PDE3A: variants seen among roughly 807,000 people sequenced by gnomAD.
The protein encoded by PDE3A is cGMP-inhibited 3',5'-cyclic phosphodiesterase 3A.
A neutral mutation model predicts 98.3 loss-of-function variants in PDE3A; 43 were observed. That is an observed-to-expected ratio of 0.44 (90% confidence interval 0.34 to 0.56). PDE3A has a LOEUF of 0.56. Ranked by LOEUF, PDE3A falls within the 20% of genes least tolerant of loss-of-function variation. The probability of loss-of-function intolerance (pLI) is 0.01; values close to 1 mark genes in which losing one functional copy is unlikely to be tolerated. For synonymous variants in PDE3A, 663 were observed against 567.9 expected, an observed-to-expected ratio of 1.17 and a Z score of -2.38; for missense variants, 1,427 against 1,440.7, an observed-to-expected ratio of 0.99 and a Z score of 0.15.
At chr12:20,482,964 AG>A (rs1488398730) in intron 1 of PDE3A, among the ~76,000 whole-genome samples, 5 of 152,178 alleles carry the variant, frequency 3.3e-5, no homozygotes, top group Non-Finnish European at 7.3e-5. Flanking sequence ...GGCAAATAAA[AG>A]TTTCTGCTTG....
intron 10 of PDE3A, among the ~76,000 whole-genome samples, chr12:20,645,356 G>C (rs1477876106): frequency 1.3e-5 from 2 of 152,078 alleles, no homozygotes; most frequent in Non-Finnish European, 2.9e-5. Context: ...TGCTACAATT[G>C]CCACATTGAC....
chr12:20,459,069 A>T (rs975093710), intron 1 of PDE3A, among the ~76,000 whole-genome samples: 5 of 152,182 alleles, frequency 3.3e-5, no homozygotes, highest in Admixed American at 1.3e-4. Flanking sequence ...TGGAGAAATT[A>T]TGGATGACTT....
At chr12:20,543,491 C>T (rs1941975790) in intron 1 of PDE3A, among the ~76,000 whole-genome samples, 1 of 151,928 alleles carries the variant, frequency 6.6e-6, no homozygotes, top group Non-Finnish European at 1.5e-5. Flanking sequence ...TCCCAGGCCT[C>T]TCATAACCAA....
intron 3 of PDE3A, among the ~76,000 whole-genome samples, chr12:20,614,096 G>T (rs944415096): frequency 1.3e-5 from 2 of 151,990 alleles, no homozygotes; most frequent in Admixed American, 6.6e-5. Context: ...AAAGCTAAAG[G>T]TTCTTTACTC....
chr12:20,432,709 T>G (rs886154033), intron 1 of PDE3A, among the ~76,000 whole-genome samples: 1 of 152,194 alleles, frequency 6.6e-6, no homozygotes, highest in Non-Finnish European at 1.5e-5. Context: ...GCAAATTTCT[T>G]AGTTTATTTC....
At chr12:20,395,158 C>T (rs1198402891) in intron 1 of PDE3A, among the ~76,000 whole-genome samples, 1 of 151,836 alleles carries the variant, frequency 6.6e-6, no homozygotes, top group East Asian at 1.9e-4. Context: ...CACTTGTTAG[C>T]CATGTGGTCT....
chr12:20,370,130 T>C lies in PDE3A; in HGVS notation c.846T>C (p.Asp282=). Residue 282 remains aspartate, a synonymous_variant, in exon 1 of 16, where the codon GAT becomes GAC. Transcript: ENST00000359062. The part of the protein sequence containing the change: ...GSQLIAGTKE[D]IPVFKRRRRS... ...AGCTGATTGCTGGGACCAAGGAAGA[T>C]ATCCCGGTGTTTAAGAGGAGGAGGC... is the stretch of plus-strand genomic sequence containing the variant. The C allele has an allele frequency of 6.2e-7, 1 of 1,613,428 alleles. No individual in the cohort carries two copies. Among genetic ancestry groups the C allele is most frequent in the African/African-American group, 1.3e-5 (1 of 75,038 alleles).
At chr12:20,437,438 G>A (rs1944795789) in intron 1 of PDE3A, among the ~76,000 whole-genome samples, 2 of 152,228 alleles carry the variant, frequency 1.3e-5, no homozygotes, top group African/African-American at 4.8e-5. Context: ...CTGAGGCTGG[G>A]TAAATTATAA....
chr12:20,462,948 T>A (rs868690288), intron 1 of PDE3A, among the ~76,000 whole-genome samples: 8 of 152,010 alleles, frequency 5.3e-5, no homozygotes, highest in African/African-American at 1.9e-4. Flanking sequence ...ATTTTTAATT[T>A]TTTTGTAGAG....
At chr12:20,662,217 A>G (rs1945188920) in intron 15 of PDE3A, among the ~76,000 whole-genome samples, 1 of 152,218 alleles carries the variant, frequency 6.6e-6, no homozygotes, top group Admixed American at 6.5e-5. Context: ...CTCAGAAGAC[A>G]GGAAAATATA....
At chr12:20,449,078 T>TA (rs951391317) in intron 1 of PDE3A, among the ~76,000 whole-genome samples, 3 of 152,172 alleles carry the variant, frequency 2.0e-5, no homozygotes, top group Non-Finnish European at 2.9e-5. Flanking sequence ...ATGCCGTAGC[T>TA]AAAAAAATGT....
Position 20,590,065 on chromosome 12 carries a change from G to T in PDE3A, c.1012-23378G>T, listed in dbSNP as rs117210592. On this transcript the variant is annotated intron_variant, in intron 2 of 15. Transcript: ENST00000359062. ...TGTGAAGGCCACTGGCTTGAGTGAT[G>T]GACAAACCTAGAATAGTTTTCCAAG... Among the ~76,000 whole-genome samples, 40 of 151,922 alleles carry T rather than the reference G, an allele frequency of 2.6e-4. No homozygotes were observed. In the East Asian group the frequency reaches 7.8e-3, roughly 30 times the overall value.
intron 1 of PDE3A, among the ~76,000 whole-genome samples, chr12:20,401,632 C>G (rs1453789253): frequency 6.6e-6 from 1 of 152,128 alleles, no homozygotes; most frequent in Non-Finnish European, 1.5e-5. Context: ...AAATTTTACC[C>G]ATCTTCTACC....
chr12:20,516,223 G>A (rs1259474570), intron 1 of PDE3A, among the ~76,000 whole-genome samples: 1 of 152,080 alleles, frequency 6.6e-6, no homozygotes, highest in Non-Finnish European at 1.5e-5. Context: ...GATGGATTTT[G>A]AGTATTCATT....
chr12:20,386,016 AAAATATATATAT>A (rs1173748384), intron 1 of PDE3A, among the ~76,000 whole-genome samples: 115 of 86,118 alleles, frequency 1.3e-3, no homozygotes, highest in Middle Eastern at 4.3e-3. Context: ...AAATATATAT[AAAATATATATAT>A]AAATATATAT....
chr12:20,535,554 A>G (rs2121201831), intron 1 of PDE3A, among the ~76,000 whole-genome samples: 1 of 152,286 alleles, frequency 6.6e-6, no homozygotes, highest in East Asian at 1.9e-4. Context: ...GGTTATTTTG[A>G]GGATTTTTAA....
chr12:20,651,281 C>T (rs1944909549), intron 14 of PDE3A, among the ~76,000 whole-genome samples: 1 of 152,100 alleles, frequency 6.6e-6, no homozygotes, highest in Non-Finnish European at 1.5e-5. Flanking sequence ...TTGAACCTTC[C>T]TGTTTGGCAC....
chr12:20,475,545 G>A (rs146493388), intron 1 of PDE3A, among the ~76,000 whole-genome samples: 121 of 152,020 alleles, frequency 8.0e-4, no homozygotes, highest in Non-Finnish European at 7.7e-4. Context: ...CCTGGCCAAC[G>A]TGGTGAAACC....
At chr12:20,443,281 G>A (rs547736193) in intron 1 of PDE3A, among the ~76,000 whole-genome samples, 1 of 152,186 alleles carries the variant, frequency 6.6e-6, no homozygotes, top group African/African-American at 2.4e-5. Context: ...CCTATCTATG[G>A]ATATTGATAA....
Sources: gnomAD v4.1 joint callset for allele counts (sites outside exome capture counted in the v4.1 genomes callset) on GRCh38, gnomAD v4.1.1 for gene constraint, MANE v1.5 for transcripts, NCBI Gene and HGNC (gene_info 2026-07-23, HGNC 2026-07-21) for gene names.